LARGE1: variants seen among roughly 807,000 people sequenced by gnomAD.
LARGE1 encodes xylosyl- and glucuronyltransferase LARGE1.
In LARGE1, 43 loss-of-function variants were observed where a neutral mutation model predicts 87.6. The ratio of observed to expected loss-of-function variants is 0.49; its 90% CI spans 0.38 to 0.63. The LOEUF is 0.63. LARGE1 is among the 30% of genes least tolerant of loss of function. The probability of loss-of-function intolerance (pLI) is 0.00; values close to 1 mark genes in which losing one functional copy is unlikely to be tolerated. For synonymous variants in LARGE1, 434 were observed against 394.6 expected (o/e 1.10, Z -1.18); for missense variants, 802 against 1,000.2 (o/e 0.80, Z 2.67).
At chr22:33,367,559 A>G (rs1206315039) in intron 9 of LARGE1, among the ~76,000 whole-genome samples, 1 of 152,024 alleles carries the variant, frequency 6.6e-6, no homozygotes, top group Non-Finnish European at 1.5e-5. Context: ...GGACTTGAGT[A>G]GCTACCACCA....
intron 7 of LARGE1, among the ~76,000 whole-genome samples, chr22:33,431,452 C>T (rs1345598015): frequency 6.6e-6 from 1 of 152,110 alleles, no homozygotes; most frequent in Non-Finnish European, 1.5e-5. Context: ...GGTCTGTGGT[C>T]CTCAAAAGTG....
At chr22:33,435,450 T>C (rs975729366) in intron 6 of LARGE1, among the ~76,000 whole-genome samples, 3 of 152,202 alleles carry the variant, frequency 2.0e-5, no homozygotes, top group Admixed American at 1.3e-4. Flanking sequence ...GAACACACAG[T>C]AGGTGCTTAA....
chr22:33,089,036 A>T, the LARGE1 span, among the ~76,000 whole-genome samples: 2 of 152,140 alleles, frequency 1.3e-5, no homozygotes, highest in African/African-American at 4.8e-5. Context: ...ATTCCTTTCC[A>T]TCTACTTCCT....
rs71320988 is a variant in LARGE1, at chr22:33,695,108, C to CT, written c.107-44441dup. On this transcript the variant is annotated intron_variant, in intron 2 of 14. Coordinates refer to ENST00000397394, the MANE Select transcript of LARGE1 (RefSeq NM_133642.5). ...GCAGTAATTTTTTCTTTCTTTCTTT[C>CT]TTTTTTTTTTTTTTGAGATGAGTCT... Among the ~76,000 whole-genome samples the CT allele has an allele frequency of 3.7e-3, 521 of 140,070 alleles. 3 individuals are homozygous for CT. The highest frequency in any genetic ancestry group is 5.5e-3 in the African/African-American group (208 of 37,720). 91.9% of individuals were successfully genotyped at this position (140,070 alleles called of 152,430 possible).
intron 12 of LARGE1, among the ~76,000 whole-genome samples, chr22:33,294,319 G>A (rs915965430): frequency 1.3e-5 from 2 of 152,204 alleles, no homozygotes; most frequent in South Asian, 2.1e-4. Flanking sequence ...GTCAGCTCTC[G>A]GAGCCCTGGG....
intron 3 of LARGE1, among the ~76,000 whole-genome samples, chr22:33,648,052 G>A (rs141126050): frequency 7.6e-4 from 116 of 152,206 alleles, no homozygotes; most frequent in African/African-American, 2.6e-3. Context: ...CCACTGTGTC[G>A]GGCCCAGAAC....
chr22:33,466,693 T>TACACACACACACACACACACACACAC (rs536654371), intron 6 of LARGE1, among the ~76,000 whole-genome samples: 1 of 145,246 alleles, frequency 6.9e-6, no homozygotes, highest in Admixed American at 6.9e-5. Context: ...TCTCTCTCTC[T>TACACACACACACACACACACACACAC]ACACACACAC....
At chr22:33,521,501 A>G (rs891371017) in intron 6 of LARGE1, among the ~76,000 whole-genome samples, 2 of 152,096 alleles carry the variant, frequency 1.3e-5, no homozygotes, top group African/African-American at 4.8e-5. Context: ...GGGGAGCCCC[A>G]GTGCTCAAGT....
intron 12 of LARGE1, among the ~76,000 whole-genome samples, chr22:33,298,189 C>T (rs2146079009): frequency 6.6e-6 from 1 of 152,188 alleles, no homozygotes. Context: ...TTAGTTTGAG[C>T]TCCTGTATCT....
chr22:33,648,015 C>T (rs1268365100), intron 3 of LARGE1, among the ~76,000 whole-genome samples: 1 of 152,142 alleles, frequency 6.6e-6, no homozygotes, highest in African/African-American at 2.4e-5. Context: ...CCTCGGACTC[C>T]CAAAGTGCTG....
intron 12 of LARGE1, among the ~76,000 whole-genome samples, chr22:33,296,688 C>A (rs560156260): frequency 6.6e-6 from 1 of 151,950 alleles, no homozygotes; most frequent in East Asian, 1.9e-4. Context: ...CCTGCCTCAG[C>A]CTCCTGAGTA....
intron 2 of LARGE1, among the ~76,000 whole-genome samples, chr22:33,751,484 CAA>C (rs112824683): frequency 1.4e-4 from 18 of 126,178 alleles, no homozygotes; most frequent in East Asian, 2.4e-4. Flanking sequence ...GACTCCATCT[CAA>C]AAAAAAAAAA....
At chr22:33,673,731 T>C (rs141264630) in intron 2 of LARGE1, among the ~76,000 whole-genome samples, 6,221 of 152,234 alleles carry the variant, frequency 0.041, 421 homozygotes, top group African/African-American at 0.14. Context: ...AGAGTCTTGC[T>C]CTGTCGCCCA....
chr22:33,828,280 C>T (rs1011905778), intron 1 of LARGE1, among the ~76,000 whole-genome samples: 11 of 152,230 alleles, frequency 7.2e-5, no homozygotes, highest in Admixed American at 2.0e-4. Flanking sequence ...AAGAGAGACG[C>T]TGACACAGGT....
chr22:33,333,317 C>T (rs910357884), intron 10 of LARGE1, among the ~76,000 whole-genome samples: 13 of 151,156 alleles, frequency 8.6e-5, no homozygotes, highest in Non-Finnish European at 1.6e-4. Context: ...TGTGCTGGGC[C>T]GGGGCAATGT....
the LARGE1 span, among the ~76,000 whole-genome samples, chr22:33,094,017 G>T: frequency 6.6e-6 from 1 of 151,858 alleles, no homozygotes; most frequent in African/African-American, 2.4e-5. Flanking sequence ...CTCCCAAAGT[G>T]CTGGGATTAT....
intron 7 of LARGE1, among the ~76,000 whole-genome samples, chr22:33,399,248 C>T (rs1238140397): frequency 3.3e-5 from 5 of 151,782 alleles, no homozygotes; most frequent in Admixed American, 2.6e-4. Flanking sequence ...TTGGTTTTCT[C>T]TTCCTGTGTT....
chr22:33,416,898 C>T (rs558241425), intron 7 of LARGE1, among the ~76,000 whole-genome samples: 49 of 125,338 alleles, frequency 3.9e-4, no homozygotes, highest in East Asian at 3.1e-3. Flanking sequence ...TGAGGCACCA[C>T]GCCCGGACTT....
intron 4 of LARGE1, among the ~76,000 whole-genome samples, chr22:33,604,822 CG>C (rs2079208851): frequency 6.6e-6 from 1 of 152,158 alleles, no homozygotes; most frequent in Admixed American, 6.5e-5. Flanking sequence ...TCAGGCCAAA[CG>C]CCATACCTGT....
Sources: gnomAD v4.1 joint callset for allele counts (sites outside exome capture counted in the v4.1 genomes callset) on GRCh38, gnomAD v4.1.1 for gene constraint, MANE v1.5 for transcripts, NCBI Gene and HGNC (gene_info 2026-07-23, HGNC 2026-07-21) for gene names.